The following LPP variants were observed in gnomAD, a reference collection of about 807,000 sequenced individuals.
The protein encoded by LPP is LIM domain containing preferred translocation partner in lipoma.
LPP carries 38 observed loss-of-function variants against 60.4 expected under a neutral mutation model. The ratio of observed to expected loss-of-function variants is 0.63; its 90% CI spans 0.49 to 0.83. The LOEUF (loss-of-function observed/expected upper bound fraction) is 0.83. Among genes scored for constraint, LPP ranks in the 40% least tolerant of loss-of-function variants. The pLI is 0.00. For missense variants in LPP, 902 were observed against 783.6 expected (o/e 1.15, Z -1.80); for synonymous variants, 328 against 290.8 (o/e 1.13, Z -1.30).
chr3:188,209,827 T>A (rs974241929), intron 1 of LPP, among the ~76,000 whole-genome samples: 20 of 152,084 alleles, frequency 1.3e-4, no homozygotes, highest in Non-Finnish European at 2.5e-4. Flanking sequence ...GACTTGTGAG[T>A]CCACAAGGCC....
chr3:188,561,634 T>C (rs1240089696), intron 6 of LPP, among the ~76,000 whole-genome samples: 1 of 152,102 alleles, frequency 6.6e-6, no homozygotes, highest in African/African-American at 2.4e-5. Flanking sequence ...TATAAAGCAT[T>C]GAAGTAGATC....
intron 9 of LPP, among the ~76,000 whole-genome samples, chr3:188,814,052 A>G (rs1751817736): frequency 1.3e-5 from 2 of 152,146 alleles, no homozygotes; most frequent in Non-Finnish European, 2.9e-5. Flanking sequence ...AGCCTGGGCA[A>G]CAAAGTGAGA....
chr3:188,724,909 A>G (rs1251688334), intron 8 of LPP, among the ~76,000 whole-genome samples: 2 of 152,238 alleles, frequency 1.3e-5, no homozygotes, highest in Non-Finnish European at 2.9e-5. Context: ...TTGAAAATAA[A>G]GTCACCCTGT....
intron 9 of LPP, among the ~76,000 whole-genome samples, chr3:188,843,220 A>G (rs1427642101): frequency 1.3e-5 from 2 of 152,180 alleles, no homozygotes; most frequent in Non-Finnish European, 2.9e-5. Context: ...GGTATTTGCC[A>G]TGAGGGGCTG....
chr3:188,303,987 G>A (rs531449310), intron 2 of LPP, among the ~76,000 whole-genome samples: 6 of 152,274 alleles, frequency 3.9e-5, no homozygotes, highest in African/African-American at 1.4e-4. Flanking sequence ...ATAGAATGGA[G>A]GAAGTGCCCT....
chr3:188,680,451 C>T (rs779838573), intron 7 of LPP, among the ~76,000 whole-genome samples: 5 of 152,150 alleles, frequency 3.3e-5, no homozygotes, highest in African/African-American at 4.8e-5. Context: ...AGTTCACACT[C>T]TTCATAATAA....
chr3:188,775,262 C>T (rs547201443), intron 9 of LPP, among the ~76,000 whole-genome samples: 7 of 151,992 alleles, frequency 4.6e-5, no homozygotes, highest in South Asian at 4.2e-4. Flanking sequence ...CATGTTGGCC[C>T]GGATGGTCTG....
intron 7 of LPP, among the ~76,000 whole-genome samples, chr3:188,684,676 G>T (rs1860277496): frequency 1.3e-5 from 2 of 151,316 alleles, no homozygotes; most frequent in South Asian, 2.1e-4. Flanking sequence ...AAATTTTTAT[G>T]TAAATACATA....
intron 4 of LPP, among the ~76,000 whole-genome samples, chr3:188,457,740 AT>A (rs1204577193): frequency 2.3e-4 from 4 of 17,612 alleles, no homozygotes; most frequent in African/African-American, 3.9e-4. Flanking sequence ...AAAAAAAAAA[AT>A]ATATATATAT....
At chr3:188,429,133 A>G (rs1399926365) in intron 4 of LPP, among the ~76,000 whole-genome samples, 2 of 152,158 alleles carry the variant, frequency 1.3e-5, no homozygotes, top group East Asian at 1.9e-4. Flanking sequence ...TATATTGACA[A>G]TGTGTAACGT....
chr3:188,401,315 T>C lies in LPP; in HGVS notation c.-9-4797T>C, dbSNP rs73050763. Among the ~76,000 whole-genome samples, 1,482 of 152,322 alleles carry C rather than the reference T, an allele frequency of 9.7e-3. 28 individuals are homozygous for C. Among genetic ancestry groups the C allele is most frequent in the African/African-American group, 0.032 (1,340 of 41,568 alleles). ...AAAACTTTCCCCTAACTGTTCTCCC[T>C]GAATCCCTCATTTTGGTGCCGCTGG... On this transcript the variant is annotated intron_variant, in intron 3 of 11. Transcript: ENST00000617246.
chr3:188,630,817 G>A (rs575659395), intron 7 of LPP, among the ~76,000 whole-genome samples: 1 of 152,248 alleles, frequency 6.6e-6, no homozygotes, highest in African/African-American at 2.4e-5. Context: ...AATATGGTAT[G>A]TATGCACCAT....
intron 4 of LPP, among the ~76,000 whole-genome samples, chr3:188,439,066 G>A (rs1793100079): frequency 1.3e-4 from 20 of 152,066 alleles, no homozygotes; most frequent in Admixed American, 1.3e-3. Context: ...GTTAAAACAT[G>A]CAGGTACACT....
At chr3:188,179,384 C>T in intron 1 of LPP, 1 of 458,002 alleles carries the variant, frequency 2.2e-6, no homozygotes, top group Non-Finnish European at 4.4e-6. Context: ...TCATTTCCCG[C>T]CTTGTTCCCA....
chr3:188,180,750 C>A (rs1200179114), intron 1 of LPP: 2 of 150,298 alleles, frequency 1.3e-5, no homozygotes, highest in African/African-American at 4.8e-5. Flanking sequence ...ATTTTCATAT[C>A]TTGCCACTTC....
At chr3:188,688,714 T>A in intron 7 of LPP, 3 of 455,032 alleles carry the variant, frequency 6.6e-6, no homozygotes, top group Non-Finnish European at 9.0e-6. Context: ...CAGCAAGCAC[T>A]TATTAAGTGC....
chr3:188,514,527 C>T (rs1189498112), intron 5 of LPP, among the ~76,000 whole-genome samples: 1 of 151,990 alleles, frequency 6.6e-6, no homozygotes, highest in African/African-American at 2.4e-5. Context: ...ACCTCTACCT[C>T]CCGGGTGGGT....
chr3:188,718,628 A>T (rs1166103788), intron 8 of LPP, among the ~76,000 whole-genome samples: 1 of 152,184 alleles, frequency 6.6e-6, no homozygotes, highest in Non-Finnish European at 1.5e-5. Flanking sequence ...TGAGGGCAAC[A>T]ATTTATGTTT....
chr3:188,499,665 C>T (rs887624100), intron 5 of LPP, among the ~76,000 whole-genome samples: 5 of 152,004 alleles, frequency 3.3e-5, no homozygotes, highest in East Asian at 1.9e-4. Context: ...GGATTTTGAT[C>T]GGGACCGCAT....
Sources: allele counts gnomAD v4.1 joint callset (sites outside exome capture counted in the v4.1 genomes callset), GRCh38; gene constraint gnomAD v4.1.1; transcripts MANE v1.5; gene names NCBI Gene and HGNC (gene_info 2026-07-23, HGNC 2026-07-21).